ZFHX3: variants seen among roughly 807,000 people sequenced by gnomAD.
ZFHX3 encodes the protein zinc finger homeobox 3.
Under a neutral mutation model 279.1 loss-of-function variants are expected in ZFHX3, and 42 were observed. The ratio of observed to expected loss-of-function variants is 0.15; its 90% CI spans 0.12 to 0.19. The LOEUF (loss-of-function observed/expected upper bound fraction) is 0.19. Ranked by LOEUF, ZFHX3 falls within the 10% of genes least tolerant of loss-of-function variation. The probability of loss-of-function intolerance (pLI) is 1.00; values close to 1 mark genes in which losing one functional copy is unlikely to be tolerated. For missense variants in ZFHX3, 4,981 were observed against 4,754.0 expected (o/e 1.05, Z -1.40); for synonymous variants, 2,293 against 1,957.8 (o/e 1.17, Z -4.52).
intron 6 of ZFHX3, among the ~76,000 whole-genome samples, chr16:73,140,264 A>G (rs1007161047): frequency 1.3e-5 from 2 of 152,292 alleles, no homozygotes; most frequent in East Asian, 3.9e-4. Flanking sequence ...CTGTCTCAAA[A>G]AAAAGGTATA....
chr16:73,871,076 T>C (rs1016547306), intron 1 of ZFHX3, among the ~76,000 whole-genome samples: 2 of 152,144 alleles, frequency 1.3e-5, no homozygotes, highest in Admixed American at 1.3e-4. Flanking sequence ...TGAGAATAGG[T>C]ATCCCAAATC....
intron 2 of ZFHX3, among the ~76,000 whole-genome samples, chr16:73,620,120 TC>T (rs2052343634): frequency 6.6e-6 from 1 of 152,150 alleles, no homozygotes; most frequent in Admixed American, 6.5e-5. Context: ...TTAGTCATGG[TC>T]CAGTTTTATC....
At chr16:73,242,236 G>C (rs2013145186) in intron 5 of ZFHX3, among the ~76,000 whole-genome samples, 1 of 152,096 alleles carries the variant, frequency 6.6e-6, no homozygotes, top group Admixed American at 6.6e-5. Context: ...AGGTAGTCAG[G>C]GCAGAATAAG....
chr16:73,823,464 T>C (rs1030347594), intron 1 of ZFHX3, among the ~76,000 whole-genome samples: 1 of 152,130 alleles, frequency 6.6e-6, no homozygotes, highest in Non-Finnish European at 1.5e-5. Context: ...TTCAAACCAA[T>C]GCAGGAACAG....
At chr16:73,187,339 G>C (rs565396747) in intron 5 of ZFHX3, among the ~76,000 whole-genome samples, 1 of 139,468 alleles carries the variant, frequency 7.2e-6, no homozygotes, top group African/African-American at 2.6e-5. Context: ...ATAGTAAAGA[G>C]GGATTTTTTT....
At chr16:73,119,382 C>T (rs1966469434) in intron 7 of ZFHX3, among the ~76,000 whole-genome samples, 1 of 152,212 alleles carries the variant, frequency 6.6e-6, no homozygotes, top group Admixed American at 6.5e-5. Flanking sequence ...TCTGGGATTA[C>T]AGGTGTGAGT....
At chr16:73,504,961 T>C (rs1487242791) in intron 2 of ZFHX3, 2 of 151,598 alleles carry the variant, frequency 1.3e-5, no homozygotes, top group Non-Finnish European at 2.9e-5. Flanking sequence ...AAAAAACCAG[T>C]GTATTCCTTT....
At chr16:73,209,862 A>C (rs2011947238) in intron 5 of ZFHX3, among the ~76,000 whole-genome samples, 1 of 152,196 alleles carries the variant, frequency 6.6e-6, no homozygotes, top group African/African-American at 2.4e-5. Context: ...TTCAGAGACC[A>C]CAGAAACCCA....
intron 4 of ZFHX3, among the ~76,000 whole-genome samples, chr16:72,870,464 CT>C (rs2038130705): frequency 1.3e-5 from 2 of 151,882 alleles, no homozygotes; most frequent in East Asian, 3.9e-4. Flanking sequence ...AATCCCAGCA[CT>C]TTGGGAGGCA....
chr16:72,903,347 A>G (rs1369274156), intron 3 of ZFHX3, among the ~76,000 whole-genome samples: 2 of 152,184 alleles, frequency 1.3e-5, no homozygotes, highest in African/African-American at 4.8e-5. Context: ...AGATCGACAG[A>G]AACTCTAGGG....
chr16:72,891,976 C>T (rs1186304659), intron 3 of ZFHX3, among the ~76,000 whole-genome samples: 4 of 152,208 alleles, frequency 2.6e-5, no homozygotes, highest in African/African-American at 9.7e-5. Context: ...GAATGCAAGA[C>T]ACTGACAAGC....
chr16:73,682,899 A>AGGGAGGGAGGGAG, intron 1 of ZFHX3, among the ~76,000 whole-genome samples: 1 of 19,744 alleles, frequency 5.1e-5, no homozygotes, highest in Non-Finnish European at 1.1e-4. Context: ...AGAAAGAAAG[A>AGGGAGGGAGGGAG]AAGAAAGAGA....
At chr16:73,885,754 C>G (rs891100805) in intron 1 of ZFHX3, among the ~76,000 whole-genome samples, 1 of 152,166 alleles carries the variant, frequency 6.6e-6, no homozygotes, top group Non-Finnish European at 1.5e-5. Flanking sequence ...AAAGTAAATT[C>G]TGCTGTTTCA....
At chr16:73,486,862 G>A (rs1287343854) in intron 2 of ZFHX3, 2 of 456,042 alleles carry the variant, frequency 4.4e-6, no homozygotes, top group Non-Finnish European at 8.8e-6. Flanking sequence ...AGAACCTGGA[G>A]CAAGACCACT....
At chr16:73,719,833 G>C (rs1397656639) in intron 1 of ZFHX3, among the ~76,000 whole-genome samples, 1 of 148,122 alleles carries the variant, frequency 6.8e-6, no homozygotes, top group Non-Finnish European at 1.5e-5. Context: ...GGGTTTCTCC[G>C]TGTTGGTCAG....
At chr16:73,624,324 AT>A (rs1371207665) in intron 2 of ZFHX3, among the ~76,000 whole-genome samples, 1 of 152,198 alleles carries the variant, frequency 6.6e-6, no homozygotes, top group Non-Finnish European at 1.5e-5. Context: ...AAATAGGCTG[AT>A]TTCAAGCTAT....
intron 8 of ZFHX3, among the ~76,000 whole-genome samples, chr16:73,087,612 A>T (rs1295170363): frequency 6.6e-6 from 1 of 152,188 alleles, no homozygotes; most frequent in African/African-American, 2.4e-5. Flanking sequence ...GGTGATGGAC[A>T]AGAATCCCCT....
At chr16:73,739,059 G>C (rs569604386) in intron 1 of ZFHX3, among the ~76,000 whole-genome samples, 1 of 152,158 alleles carries the variant, frequency 6.6e-6, no homozygotes, top group Non-Finnish European at 1.5e-5. Context: ...GACAAGGAGC[G>C]GTCGAGGCTT....
chr16:73,035,051 T>C (rs918816472), intron 1 of ZFHX3, among the ~76,000 whole-genome samples: 6 of 152,014 alleles, frequency 3.9e-5, no homozygotes, highest in Non-Finnish European at 7.4e-5. Context: ...CACCATCCAC[T>C]AGGTAGCCAC....
Sources: gnomAD v4.1 joint callset for allele counts (sites outside exome capture counted in the v4.1 genomes callset) on GRCh38, gnomAD v4.1.1 for gene constraint, MANE v1.5 for transcripts, NCBI Gene and HGNC (gene_info 2026-07-23, HGNC 2026-07-21) for gene names.